The following SEC63 variants were observed in gnomAD, a reference collection of about 807,000 sequenced individuals.
SEC63 encodes the protein SEC63 protein translocation regulator.
Under a neutral mutation model 116.2 loss-of-function variants are expected in SEC63, and 56 were observed. That is an observed-to-expected ratio of 0.48 (90% CI 0.39 to 0.60). The LOEUF is 0.60. SEC63 is among the 20% of genes least tolerant of loss of function. SEC63 has a pLI of 0.00. For missense variants in SEC63, 668 were observed against 900.0 expected (o/e 0.74, Z 3.30); for synonymous variants, 273 against 294.6 (o/e 0.93, Z 0.75).
intron 4 of SEC63, among the ~76,000 whole-genome samples, chr6:107,920,422 T>A: frequency 3.5e-5 from 2 of 57,704 alleles, no homozygotes; most frequent in South Asian, 7.4e-4. Context: ...CGAGACTCCG[T>A]CTCAAAAAAA....
intron 10 of SEC63, 46 bp from the exon 11 acceptor site, chr6:107,904,767 G>C (rs1221862432): frequency 2.9e-6 from 4 of 1,378,600 alleles, no homozygotes; most frequent in South Asian, 1.2e-5. Context: ...TAATTTTACA[G>C]TTAAAGCATC....
chr6:107,957,811 C>T (rs1770741420), intron 1 of SEC63, 75 bp downstream of exon 1: 2 of 1,377,850 alleles, frequency 1.5e-6, no homozygotes, highest in Non-Finnish European at 9.4e-7. Flanking sequence ...TGGGGCCGGG[C>T]AAGCGGGCGC....
At chr6:107,904,282 C>T (rs775245201) in intron 11 of SEC63, among the ~76,000 whole-genome samples, 9 of 151,284 alleles carry the variant, frequency 5.9e-5, no homozygotes, top group South Asian at 4.2e-4. Context: ...TGGTGGTACG[C>T]GCCTGTAATC....
intron 1 of SEC63, among the ~76,000 whole-genome samples, chr6:107,938,448 T>G (rs1020367956): frequency 6.6e-6 from 1 of 151,988 alleles, no homozygotes; most frequent in Non-Finnish European, 1.5e-5. Flanking sequence ...GAGGTCTATG[T>G]TGCCCAGGCT....
chr6:107,877,503 A>G (rs1306422783), intron 18 of SEC63: 1 of 151,716 alleles, frequency 6.6e-6, no homozygotes, highest in African/African-American at 2.4e-5. Context: ...CAGTGGCACC[A>G]TCTCAGCTCA....
In SEC63 at chr6:107,881,183, A is replaced by C; in HGVS notation, c.1901T>G (p.Ile634Arg). The C allele has an allele frequency of 6.2e-7, 1 of 1,612,808 alleles. No individual in the cohort carries two copies. Among genetic ancestry groups the C allele is most frequent in the Non-Finnish European group, 8.5e-7 (1 of 1,179,556 alleles). The stretch of plus-strand genomic sequence containing the variant: ...GTAAAGGCTATACACAGGATGTGTT[A>C]TTTTTGATTTGGTTTCCAATAGAGC... ...ERALLETKSK[I>R]THPVYSLYFP... The change falls in exon 18 of 21, where the codon ATA (isoleucine) becomes AGA (arginine). Residue 634 changes from isoleucine to arginine, a missense_variant. Ile to Arg is a moderately conservative substitution (Grantham distance 97, BLOSUM62 -3). Transcript: ENST00000369002.
At chr6:107,935,960 G>C (rs1466284416) in intron 1 of SEC63, among the ~76,000 whole-genome samples, 1 of 152,124 alleles carries the variant, frequency 6.6e-6, no homozygotes, top group Non-Finnish European at 1.5e-5. Context: ...ATGGTTTAGA[G>C]AACACTTTTG....
Position 107,933,848 on chromosome 6 carries a change from G to A in SEC63, c.125-4334C>T, listed in dbSNP as rs894776237. Among the ~76,000 whole-genome samples, 187 of 152,294 alleles carry A rather than the reference G, an allele frequency of 1.2e-3. 1 individual carries two copies. Among genetic ancestry groups the A allele is most frequent in the South Asian group, 8.1e-3 (39 of 4,832 alleles). ...TGATTCTCCTGCCTCAGCCTGCCGA[G>A]TGCCTGCGATTGCAGGCGCGCGCCG... is the stretch of plus-strand genomic sequence containing the variant. On this transcript the variant is annotated intron_variant, in intron 1 of 20. Transcript: ENST00000369002.
chr6:107,906,574 TG>T lies in SEC63; in HGVS notation c.834del (p.Arg279GlufsTer8). The T allele has an allele frequency of 6.2e-7, 1 of 1,612,624 alleles. No homozygotes were observed. Among genetic ancestry groups the T allele is most frequent in the South Asian group, 1.1e-5 (1 of 90,996 alleles). On this transcript the variant is annotated frameshift_variant, in exon 10 of 21. Transcript: ENST00000369002. LOFTEE classifies it high-confidence loss of function. ...TTTAAATTAATGCTGCCAATTTCTC[TG>T]ATTAGCTAGAATAAATAAAATAATT... The part of the protein sequence containing the change: ...PTDNILIPQL[I>X]REIGSINLKK...
chr6:107,943,318 A>T (rs1034218440), intron 1 of SEC63, among the ~76,000 whole-genome samples: 1 of 152,236 alleles, frequency 6.6e-6, no homozygotes, highest in African/African-American at 2.4e-5. Flanking sequence ...ATAAGTTTTG[A>T]TAAATTTTAC....
chr6:107,873,709 C>G (rs1786187840), intron 19 of SEC63, among the ~76,000 whole-genome samples: 1 of 151,834 alleles, frequency 6.6e-6, no homozygotes. Context: ...ATATTTCTAT[C>G]TGGTAGAAAC....
intron 1 of SEC63, among the ~76,000 whole-genome samples, chr6:107,943,499 T>C (rs527313053): frequency 1.4e-4 from 22 of 152,340 alleles, no homozygotes; most frequent in Non-Finnish European, 2.9e-4. Context: ...TCCAAAAAGT[T>C]TTCCAATATA....
chr6:107,871,191 A>C lies in SEC63; in HGVS notation c.*513T>G, dbSNP rs968365367. On this transcript the variant is annotated 3_prime_UTR_variant, in exon 21 of 21. Coordinates refer to ENST00000369002, the MANE Select transcript of SEC63 (RefSeq NM_007214.5). Reference sequence around the variant, plus strand: ...CTTATGACCAAGATAAGTAAAAATAAAAGTTTAAATCTATGAGTGGAGCTG... The same window carrying C: ...CTTATGACCAAGATAAGTAAAAATACAAGTTTAAATCTATGAGTGGAGCTG... 6.3e-6 allele frequency: 1 copy of C among 157,730 alleles called. No homozygotes were observed. The highest frequency in any genetic ancestry group is 1.4e-5 in the Non-Finnish European group (1 of 71,026). 9.8% of individuals were successfully genotyped at this position (157,730 alleles called of 1,614,324 possible).
At chr6:107,876,928 CCCTGACTAA>C (rs1284885599) in intron 18 of SEC63, 7 of 394,436 alleles carry the variant, frequency 1.8e-5, no homozygotes, top group Non-Finnish European at 2.8e-5. Flanking sequence ...ATATTAAAAA[CCCTGACTAA>C]CCTTAAGTAA....
intron 1 of SEC63, among the ~76,000 whole-genome samples, chr6:107,955,225 G>A (rs537400497): frequency 6.6e-6 from 1 of 152,234 alleles, no homozygotes; most frequent in African/African-American, 2.4e-5. Flanking sequence ...GTGGTGGCAC[G>A]ATCTCGGCTC....
At chr6:107,952,234 A>G (rs1286281361) in intron 1 of SEC63, among the ~76,000 whole-genome samples, 1 of 152,206 alleles carries the variant, frequency 6.6e-6, no homozygotes, top group African/African-American at 2.4e-5. Flanking sequence ...TCCATTAATA[A>G]TGTTTTAGAT....
intron 12 of SEC63, 62 bp from the exon 13 acceptor site, chr6:107,901,579 A>C: frequency 8.2e-7 from 1 of 1,215,774 alleles, no homozygotes; most frequent in African/African-American, 1.5e-5. Context: ...TCATAAAAAG[A>C]AAATTACTCA....
At chr6:107,881,072 G>A (rs1164653317) in intron 18 of SEC63, 77 bp downstream of exon 18, 4 of 1,020,514 alleles carry the variant, frequency 3.9e-6, no homozygotes, top group Non-Finnish European at 6.2e-6. Flanking sequence ...ACACGACAGA[G>A]GGCTAAAAGT....
At chr6:107,925,479 AT>A in intron 2 of SEC63, among the ~76,000 whole-genome samples, 1 of 152,340 alleles carries the variant, frequency 6.6e-6, no homozygotes, top group South Asian at 2.1e-4. Flanking sequence ...ACAATGCAAC[AT>A]TTTGTAGCCA....
Sources: gnomAD v4.1 joint callset for allele counts (sites outside exome capture counted in the v4.1 genomes callset) on GRCh38, gnomAD v4.1.1 for gene constraint, MANE v1.5 for transcripts, NCBI Gene and HGNC (gene_info 2026-07-23, HGNC 2026-07-21) for gene names.